RINL: variants seen among roughly 807,000 people sequenced by gnomAD.
The protein encoded by RINL is Ras and Rab interactor like.
In RINL, 39 loss-of-function variants were observed where a neutral mutation model predicts 58.1. That is an observed-to-expected ratio of 0.67 (90% CI 0.52 to 0.88). The LOEUF is 0.88. Among genes scored for constraint, RINL ranks in the 40% least tolerant of loss-of-function variants. The pLI is 0.00. For synonymous variants in RINL, 286 were observed against 323.1 expected (o/e 0.89, Z 1.23); for missense variants, 711 against 749.2 (o/e 0.95, Z 0.60).
chr19:38,876,722 C>G lies in RINL; in HGVS notation c.21G>C (p.Lys7Asn). Residue 7 changes from lysine to asparagine, a missense_variant, in exon 2 of 12, where the codon AAG (lysine) becomes AAC (asparagine). By Grantham distance (94) the Lys-to-Asn change is moderately conservative. Transcript: ENST00000591812. Reference protein sequence around the residue: MAQPEDKAPEVPTEGVR... With the variant: MAQPEDNAPEVPTEGVR... ...CCCCCTCTGTGGGGACTTCAGGTGCCTTGTCTTCTGGCTGGGCCATCGTCA... is the reference window on the plus strand; with the variant it reads ...CCCCCTCTGTGGGGACTTCAGGTGCGTTGTCTTCTGGCTGGGCCATCGTCA... The G allele has an allele frequency of 1.3e-6, 2 of 1,536,106 alleles. No individual in the cohort carries two copies. Among genetic ancestry groups the G allele is most frequent in the Non-Finnish European group, 1.7e-6 (2 of 1,146,896 alleles).
intron 1 of RINL, among the ~76,000 whole-genome samples, chr19:38,877,902 C>T (rs111490787): frequency 1.3e-5 from 2 of 152,330 alleles, no homozygotes; most frequent in African/African-American, 4.8e-5. Flanking sequence ...ACAGGCTCCT[C>T]CCCTCAGGGC....
chr19:38,873,844 A>G (rs1288040798), intron 4 of RINL, 42 bp downstream of exon 4: 8 of 1,233,438 alleles, frequency 6.5e-6, no homozygotes, highest in Non-Finnish European at 9.2e-6. Context: ...GTTCTTAGTG[A>G]TCAATTGACT....
At chr19:38,872,180 A>T (rs1458261259) in intron 4 of RINL, among the ~76,000 whole-genome samples, 6 of 152,136 alleles carry the variant, frequency 3.9e-5, no homozygotes, top group Non-Finnish European at 5.9e-5. Context: ...GAGGGGGAAA[A>T]GGCAGAATAT....
chr19:38,876,310 C>A, intron 3 of RINL, 21 bp downstream of exon 3: 1 of 1,530,308 alleles, frequency 6.5e-7, no homozygotes, highest in South Asian at 1.2e-5. Context: ...TCAGGATGGG[C>A]CCCCAGCTGT....
At chr19:38,876,626 G>A in intron 2 of RINL, 67 bp downstream of exon 2, 7 of 1,463,138 alleles carry the variant, frequency 4.8e-6, no homozygotes, top group Non-Finnish European at 6.5e-6. Context: ...AGTGAGGGAG[G>A]TATTGGATGG....
intron 2 of RINL, 75 bp downstream of exon 2, chr19:38,876,618 T>A: frequency 6.8e-7 from 1 of 1,461,350 alleles, no homozygotes. Context: ...GATTCTGTAG[T>A]GAGGGAGGTA....
rs557463251 is a variant in RINL at position 38,874,956 on chromosome 19, G to A, written c.211-968C>T. Among the ~76,000 whole-genome samples, 5 of 151,922 alleles carry A rather than the reference G, an allele frequency of 3.3e-5. No individual in the cohort carries two copies. The East Asian group carries it at 9.9e-4, about 30-fold the overall frequency. On this transcript the variant is annotated intron_variant, in intron 3 of 11. Coordinates refer to ENST00000591812, the MANE Select transcript of RINL (RefSeq NM_001195833.2). Reference sequence around the variant, plus strand: ...TCGAGACCACCCTGGCCAACGTGGTGAATCCCAGTCTCTACTAAAAATACA... The same window carrying A: ...TCGAGACCACCCTGGCCAACGTGGTAAATCCCAGTCTCTACTAAAAATACA...
In RINL at chr19:38,874,889, C is replaced by T. The variant is rs528794005; in HGVS notation, c.211-901G>A. Among the ~76,000 whole-genome samples the T allele has an allele frequency of 1.7e-3, 262 of 152,236 alleles. 1 individual carries two copies. The highest frequency in any genetic ancestry group is 3.1e-3 in the Non-Finnish European group (214 of 68,016). On this transcript the variant is annotated intron_variant, in intron 3 of 11. Coordinates refer to ENST00000591812, the MANE Select transcript of RINL (RefSeq NM_001195833.2). ...GTGGCTCACGCCTGTAATCCCAGCA[C>T]TTTGGGAGGCCGAGGCGGGTGGATC...
At position 38,869,538 on chromosome 19, in the gene RINL, C is replaced by A; in HGVS notation, c.1474+35G>T. 6.2e-7 allele frequency: 1 copy of A among 1,610,054 alleles called. No homozygotes were observed. The highest frequency in any genetic ancestry group is 8.5e-7 in the Non-Finnish European group (1 of 1,177,768). The stretch of plus-strand genomic sequence containing the variant: ...GTTTGGGATCCCGGAGGTACTGGAT[C>A]GCTGGGCTCCAGCATTCTGGAGTTG... On this transcript the variant is annotated intron_variant, in intron 10 of 11. Transcript: ENST00000591812. The surrounding 1 kb of genome is among the most constrained non-coding windows in gnomAD (Gnocchi z 5.7).
chr19:38,874,371 C>T (rs1258117086), intron 3 of RINL, among the ~76,000 whole-genome samples: 1 of 152,130 alleles, frequency 6.6e-6, no homozygotes, highest in Non-Finnish European at 1.5e-5. Flanking sequence ...CTCCCGGGGT[C>T]AAGCGATTCT....
Position 38,869,263 on chromosome 19 carries a change from T to A in RINL, c.1622A>T (p.Asp541Val), listed in dbSNP as rs751328829. 6.2e-7 allele frequency: 1 copy of A among 1,614,086 alleles called. No individual in the cohort carries two copies. The highest frequency in any genetic ancestry group is 1.1e-5 in the South Asian group (1 of 91,084). ...GGCAGTCACCTGGGCTCTGGGATGA[T>A]CCTTTCTGTGCAGCGTCCGCCTGCG... ...WHRRRTLHRK[D>V]HPRAQANLPF... Residue 541 changes from aspartate (D) to valine (V), a missense_variant, in exon 11 of 12, where the codon GAT (aspartate) becomes GTT (valine). By Grantham distance (152) the Asp-to-Val change is radical (BLOSUM62 -3). Transcript: ENST00000591812. This position sits in a 1 kb window ranked among gnomAD's most constrained non-coding sequence, Gnocchi z 5.7.
In RINL at chr19:38,870,928, G is replaced by C; in HGVS notation, c.666C>G (p.Asp222Glu). 1.2e-6 allele frequency: 2 copies of C among 1,605,378 alleles called. No homozygotes were observed. Among genetic ancestry groups the C allele is most frequent in the Non-Finnish European group, 1.7e-6 (2 of 1,179,854 alleles). ...WVKGPLSPEV[D>E]HPGPALASLL... ...GGCTGGCGAGAGCCGGCCCAGGATG[G>C]TCCACTTCCGGGCTGAGCGGGCCTT... Residue 222 changes from aspartate (D) to glutamate (E), a missense_variant, in exon 8 of 12, where the codon GAC becomes GAG. By Grantham distance (45) the Asp-to-Glu change is conservative (BLOSUM62 2). Transcript: ENST00000591812. The surrounding 1 kb of genome is among the most constrained non-coding windows in gnomAD (Gnocchi z 5.8).
intron 7 of RINL, 37 bp downstream of exon 7, chr19:38,871,041 C>G (rs772905885): frequency 6.3e-7 from 1 of 1,578,964 alleles, no homozygotes; most frequent in Non-Finnish European, 8.6e-7. Flanking sequence ...GCAGCAGCTC[C>G]CTCCCCTTCA....
chr19:38,877,009 G>A (rs375485781), intron 1 of RINL, among the ~76,000 whole-genome samples: 8 of 152,210 alleles, frequency 5.3e-5, no homozygotes, highest in African/African-American at 1.9e-4. Context: ...CGCCTCGTAG[G>A]TTCAAGCGAT....
intron 1 of RINL, among the ~76,000 whole-genome samples, chr19:38,877,687 A>G (rs1183534552): frequency 2.0e-5 from 3 of 152,164 alleles, no homozygotes; most frequent in African/African-American, 4.8e-5. Flanking sequence ...CCAGCTCCTA[A>G]CCAGGTACAG....
chr19:38,874,654 C>A (rs1392960490), intron 3 of RINL, among the ~76,000 whole-genome samples: 4 of 152,160 alleles, frequency 2.6e-5, no homozygotes, highest in African/African-American at 9.7e-5. Flanking sequence ...AGGATGATAC[C>A]CTCCTGAGGA....
chr19:38,872,073 T>C lies in RINL; in HGVS notation c.314-203A>G, dbSNP rs543911935. Among the ~76,000 whole-genome samples, 8 of 152,300 alleles carry C rather than the reference T, an allele frequency of 5.3e-5. No homozygotes were observed. In the South Asian group the frequency reaches 1.7e-3, roughly 32 times the overall value. Reference sequence around the variant, plus strand: ...AGGATTCATTCATTAGACAAACATTTACTGAGCCCTTAGTCCTTTCTAGGC... The same window carrying C: ...AGGATTCATTCATTAGACAAACATTCACTGAGCCCTTAGTCCTTTCTAGGC... On this transcript the variant is annotated intron_variant, in intron 4 of 11. Coordinates refer to ENST00000591812, the MANE Select transcript of RINL (RefSeq NM_001195833.2).
chr19:38,870,643 C>A lies in RINL; in HGVS notation c.951G>T (p.Leu317=). The stretch of plus-strand genomic sequence containing the variant: ...CAGCCCTGATGTAGGAGTCCTTTGC[C>A]AGGTGATCCTGGAGGTCAGTAAGGA... ...RHLLTDLQDH[L]AKDSYIRAVF... The change falls in exon 8 of 12, where the codon CTG becomes CTT. Residue 317 remains leucine, a synonymous_variant. Coordinates refer to ENST00000591812, the MANE Select transcript of RINL (RefSeq NM_001195833.2). The surrounding 1 kb of genome is among the most constrained non-coding windows in gnomAD (Gnocchi z 5.8). The A allele has an allele frequency of 1.9e-6, 3 of 1,613,338 alleles. No individual in the cohort carries two copies. In the Admixed American group the frequency reaches 5.0e-5, roughly 27 times the overall value.
chr19:38,869,114 C>T lies in RINL; in HGVS notation c.1691G>A (p.Ser564Asn), dbSNP rs758201815. 151 of 1,604,124 alleles carry T rather than the reference C, an allele frequency of 9.4e-5. No homozygotes were observed. The highest frequency in any genetic ancestry group is 1.3e-4 in the Non-Finnish European group (149 of 1,173,460). ...AGGGGTGTGAAACCCCTAGTTGTCACTGGTCCCTGTCACAGTCTCTTCTGC... is the reference window on the plus strand; with the variant it reads ...AGGGGTGTGAAACCCCTAGTTGTCATTGGTCCCTGTCACAGTCTCTTCTGC... ...PWAEETVTGT[S>N]DN is the part of the protein sequence containing the mutation. Residue 564 changes from serine (S) to asparagine (N), a missense_variant, in exon 12 of 12, where the codon AGT (serine) becomes AAT (asparagine). Ser to Asn is a conservative substitution (Grantham distance 46). Coordinates refer to ENST00000591812, the MANE Select transcript of RINL (RefSeq NM_001195833.2). This position sits in a 1 kb window ranked among gnomAD's most constrained non-coding sequence, Gnocchi z 5.7.
Sources: gnomAD v4.1 joint callset for allele counts (sites outside exome capture counted in the v4.1 genomes callset) on GRCh38, gnomAD v4.1.1 for gene constraint, Gnocchi (gnomAD v3.1) non-coding constraint, MANE v1.5 for transcripts, NCBI Gene and HGNC (gene_info 2026-07-23, HGNC 2026-07-21) for gene names.